Variants in CDH18 observed in about 807,000 individuals in gnomAD.
CDH18 encodes cadherin 18.
CDH18 carries 31 observed loss-of-function variants against 67.9 expected under a neutral mutation model. That is an observed-to-expected ratio of 0.46 (90% CI 0.34 to 0.62). CDH18 has a LOEUF of 0.62. Ranked by LOEUF, CDH18 falls within the 20% of genes least tolerant of loss-of-function variation. The pLI is 0.01. For missense variants in CDH18, 890 were observed against 975.5 expected (o/e 0.91, Z 1.17); for synonymous variants, 362 against 347.2 (o/e 1.04, Z -0.48).
rs992750926 is a variant in CDH18, at chr5:20,080,662, A to T, written c.-517-88648T>A. Among the ~76,000 whole-genome samples the T allele has an allele frequency of 2.6e-5, 4 of 152,312 alleles. No homozygotes were observed. In the East Asian group the frequency reaches 7.7e-4, roughly 29 times the overall value. ...AGTGTATCTGAGATTTATCTTTGAA[A>T]GTAGTAAAACAAACTATAATTGTCC... On this transcript the variant is annotated intron_variant, in intron 2 of 14. Transcript: ENST00000507958.
At chr5:20,302,136 G>T (rs1580704206) in intron 1 of CDH18, among the ~76,000 whole-genome samples, 1 of 152,234 alleles carries the variant, frequency 6.6e-6, no homozygotes, top group Non-Finnish European at 1.5e-5. Flanking sequence ...CCAAGTATAT[G>T]ATACACTTCA....
intron 1 of CDH18, among the ~76,000 whole-genome samples, chr5:20,415,124 G>A (rs926381662): frequency 1.3e-5 from 2 of 152,094 alleles, no homozygotes; most frequent in African/African-American, 2.4e-5. Flanking sequence ...GGTGGCTCAC[G>A]CCTGTAATCC....
chr5:19,513,501 G>A (rs1170078958), intron 10 of CDH18, among the ~76,000 whole-genome samples: 1 of 151,920 alleles, frequency 6.6e-6, no homozygotes, highest in Non-Finnish European at 1.5e-5. Flanking sequence ...GGACTTATCT[G>A]TCTTTTCAAA....
chr5:20,564,509 A>G (rs1758397470), intron 1 of CDH18, among the ~76,000 whole-genome samples: 1 of 151,498 alleles, frequency 6.6e-6, no homozygotes, highest in South Asian at 2.1e-4. Context: ...CTGGTCTTGA[A>G]CTCCTGACCT....
intron 2 of CDH18, among the ~76,000 whole-genome samples, chr5:19,894,366 C>T (rs1357911884): frequency 6.6e-6 from 1 of 151,882 alleles, no homozygotes; most frequent in Non-Finnish European, 1.5e-5. Context: ...TAAATAGATA[C>T]ATTTCACATG....
intron 1 of CDH18, among the ~76,000 whole-genome samples, chr5:20,277,665 A>G (rs533960561): frequency 6.7e-4 from 102 of 152,274 alleles, no homozygotes; most frequent in Non-Finnish European, 1.3e-3. Flanking sequence ...CCTCACTAAT[A>G]AATAAGGCAC....
Position 20,501,576 on chromosome 5 carries a change from ATATATTATATATATATAT to A in CDH18, c.-580+73868_-580+73885del, listed in dbSNP as rs1273362480. Among the ~76,000 whole-genome samples the A allele has an allele frequency of 3.2e-3, 37 of 11,490 alleles. 1 individual carries two copies. Among genetic ancestry groups the A allele is most frequent in the East Asian group, 0.01 (2 of 194 alleles). The allele number at this position is 11,490 out of a possible 152,430, so 7.5% of individuals were successfully genotyped here. ...TATATAATATATATATATAATATAT[ATATATTATATATATATAT>A]TATATATATATATATATATATGGAG... On this transcript the variant is annotated intron_variant, in intron 1 of 14. Transcript: ENST00000507958.
chr5:19,473,180 C>T lies in CDH18; in HGVS notation c.*46G>A. On this transcript the variant is annotated 3_prime_UTR_variant, in exon 13 of 13. Transcript: ENST00000382275. ...CTTGTCATTGCTGAGGTTGTATATC[C>T]ACTTACTCAGGAAGCAAATTCCACA... 1.3e-6 allele frequency: 2 copies of T among 1,587,874 alleles called. No homozygotes were observed. Among genetic ancestry groups the T allele is most frequent in the Non-Finnish European group, 1.7e-6 (2 of 1,166,004 alleles).
At chr5:19,713,630 A>T (rs1182744753) in intron 5 of CDH18, among the ~76,000 whole-genome samples, 1 of 152,096 alleles carries the variant, frequency 6.6e-6, no homozygotes, top group East Asian at 1.9e-4. Context: ...GAGTTATCTG[A>T]TATCTATAGT....
At chr5:20,418,242 A>ATTTTATTTTTTTTTTTTTT (rs1747499239) in intron 1 of CDH18, among the ~76,000 whole-genome samples, 1 of 56,936 alleles carries the variant, frequency 1.8e-5, no homozygotes, top group Non-Finnish European at 2.9e-5. Context: ...CTGCTGGCTA[A>ATTTTATTTTTTTTTTTTTT]TTTTTTTTTT....
chr5:20,158,455 A>C (rs2126601471), intron 2 of CDH18, among the ~76,000 whole-genome samples: 1 of 152,306 alleles, frequency 6.6e-6, no homozygotes, highest in East Asian at 1.9e-4. Context: ...ATTTCAGATT[A>C]GCCAATTAAG....
At chr5:20,434,121 T>C (rs1029492691) in intron 1 of CDH18, among the ~76,000 whole-genome samples, 3 of 152,188 alleles carry the variant, frequency 2.0e-5, no homozygotes, top group Non-Finnish European at 4.4e-5. Context: ...GTTCCCTGTT[T>C]GAAATAGCAA....
intron 2 of CDH18, among the ~76,000 whole-genome samples, chr5:20,106,316 G>T (rs1177739362): frequency 6.6e-6 from 1 of 152,162 alleles, no homozygotes; most frequent in Non-Finnish European, 1.5e-5. Context: ...TAAAAACTCA[G>T]AATTTCTCAC....
chr5:19,640,412 T>C (rs1044931532), intron 5 of CDH18, among the ~76,000 whole-genome samples: 2 of 152,128 alleles, frequency 1.3e-5, no homozygotes, highest in African/African-American at 4.8e-5. Flanking sequence ...AGATATTTTA[T>C]GTAAGACTCA....
At chr5:19,574,122 A>G (rs1317686713) in intron 7 of CDH18, among the ~76,000 whole-genome samples, 3 of 152,066 alleles carry the variant, frequency 2.0e-5, no homozygotes, top group African/African-American at 7.2e-5. Context: ...CTCCCGTCCT[A>G]TCTGATATTA....
At chr5:20,528,939 T>C (rs901450268) in intron 1 of CDH18, among the ~76,000 whole-genome samples, 1 of 147,846 alleles carries the variant, frequency 6.8e-6, no homozygotes, top group African/African-American at 2.5e-5. Context: ...CTTCAAAACA[T>C]CAATGAATCC....
In CDH18 at chr5:20,501,546, TTA is replaced by T. The variant is rs372548554; in HGVS notation, c.-580+73914_-580+73915del. Among the ~76,000 whole-genome samples the T allele has an allele frequency of 2.3e-3, 54 of 23,130 alleles. 2 individuals are homozygous for T. Among genetic ancestry groups the T allele is most frequent in the African/African-American group, 4.0e-3 (45 of 11,250 alleles). 15.2% of individuals were successfully genotyped at this position (23,130 alleles called of 152,430 possible). On this transcript the variant is annotated intron_variant, in intron 1 of 14. Transcript: ENST00000507958. ...ACATATTATATATATTATATACATA[TTA>T]TATATATAATATATATATATAATAT...
At chr5:19,808,787 C>T (rs1365758796) in intron 3 of CDH18, among the ~76,000 whole-genome samples, 6 of 139,878 alleles carry the variant, frequency 4.3e-5, no homozygotes, top group East Asian at 2.2e-4. Flanking sequence ...GCCACGAGAG[C>T]GCCACTGCCA....
At chr5:19,497,093 T>G (rs77657012) in intron 11 of CDH18, among the ~76,000 whole-genome samples, 2,966 of 152,070 alleles carry the variant, frequency 0.02, 93 homozygotes, top group African/African-American at 0.068. Flanking sequence ...TAAGACCATG[T>G]GTTCCAGTCC....
Sources: allele counts gnomAD v4.1 joint callset (sites outside exome capture counted in the v4.1 genomes callset), GRCh38; gene constraint gnomAD v4.1.1; transcripts MANE v1.5; gene names NCBI Gene and HGNC (gene_info 2026-07-23, HGNC 2026-07-21).